HEATR5A: variants seen among roughly 807,000 people sequenced by gnomAD.
HEATR5A encodes the protein HEAT repeat-containing protein 5A.
A neutral mutation model predicts 218.8 loss-of-function variants in HEATR5A; 178 were observed. The ratio of observed to expected loss-of-function variants is 0.81; its 90% CI spans 0.72 to 0.92. The LOEUF is 0.92. HEATR5A is among the 40% of genes least tolerant of loss of function. The pLI is 0.00. For missense variants in HEATR5A, 2,420 were observed against 2,418.9 expected, an observed-to-expected ratio of 1.00 and a Z score of -0.01; for synonymous variants, 864 against 871.6, an observed-to-expected ratio of 0.99 and a Z score of 0.15.
intron 1 of HEATR5A, among the ~76,000 whole-genome samples, chr14:31,408,127 T>C (rs184232578): frequency 0.025 from 3,800 of 152,306 alleles, 180 homozygotes; most frequent in Admixed American, 0.11. Flanking sequence ...TACTCCTAGT[T>C]ACTCAGTCAT....
At chr14:31,302,247 T>C in intron 33 of HEATR5A, 48 bp downstream of exon 33, 1 of 1,356,272 alleles carries the variant, frequency 7.4e-7, no homozygotes, top group Non-Finnish European at 1.0e-6. Context: ...AAACTCTTCT[T>C]CTCACTTTTT....
intron 25 of HEATR5A, among the ~76,000 whole-genome samples, chr14:31,319,944 T>C (rs957293487): frequency 6.6e-6 from 1 of 151,994 alleles, no homozygotes; most frequent in Non-Finnish European, 1.5e-5. Context: ...TACTTCAGGT[T>C]GCAGTGAGCC....
At chr14:31,378,268 G>A (rs1025899821) in intron 11 of HEATR5A, among the ~76,000 whole-genome samples, 18 of 152,184 alleles carry the variant, frequency 1.2e-4, no homozygotes, top group African/African-American at 4.1e-4. Context: ...AAAGGTCACA[G>A]ACAATCCACA....
intron 34 of HEATR5A, among the ~76,000 whole-genome samples, chr14:31,295,244 T>C (rs1250140369): frequency 6.6e-6 from 1 of 152,116 alleles, no homozygotes; most frequent in Non-Finnish European, 1.5e-5. Flanking sequence ...ACTGAAGGTA[T>C]GTGCTGGAGT....
intron 1 of HEATR5A, among the ~76,000 whole-genome samples, chr14:31,409,840 T>C (rs1340665419): frequency 1.3e-5 from 2 of 152,252 alleles, no homozygotes; most frequent in Admixed American, 6.5e-5. Flanking sequence ...CTGGTCCTGA[T>C]AGAAACTGCT....
intron 21 of HEATR5A, among the ~76,000 whole-genome samples, chr14:31,343,094 T>G (rs573851098): frequency 6.6e-6 from 1 of 152,026 alleles, no homozygotes; most frequent in South Asian, 2.1e-4. Flanking sequence ...AAATCTTTTT[T>G]TTTTTTTTTT....
chr14:31,382,046 G>A (rs1465411387), intron 10 of HEATR5A, among the ~76,000 whole-genome samples: 1 of 152,148 alleles, frequency 6.6e-6, no homozygotes, highest in Non-Finnish European at 1.5e-5. Flanking sequence ...TCAATGGATA[G>A]CACTCAAAAA....
chr14:31,361,898 A>G (rs1901627139), intron 14 of HEATR5A, among the ~76,000 whole-genome samples: 1 of 152,148 alleles, frequency 6.6e-6, no homozygotes, highest in African/African-American at 2.4e-5. Flanking sequence ...TGTCCTAGAA[A>G]CTGACTCTTT....
rs1899653789 is a variant in HEATR5A at position 31,309,200 on chromosome 14, A to C, written c.4442-18T>G. 6.2e-7 allele frequency: 1 copy of C among 1,603,374 alleles called. No individual in the cohort carries two copies. Among genetic ancestry groups the C allele is most frequent in the African/African-American group, 1.3e-5 (1 of 74,566 alleles). On this transcript the variant is annotated intron_variant, in intron 28 of 35. Transcript: ENST00000543095. ...AGCACCACCTAAAGCAAACAGTTTCAGGAAAAATAAGAGATTAACTTCCAA... is the reference window on the plus strand; with the variant it reads ...AGCACCACCTAAAGCAAACAGTTTCCGGAAAAATAAGAGATTAACTTCCAA...
Position 31,378,796 on chromosome 14 carries a change from A to C in HEATR5A, c.1708+1671T>G, listed in dbSNP as rs1284455815. The stretch of plus-strand genomic sequence containing the variant: ...AAGTGAGACTCCACCTCAAAAAAAA[A>C]CAAACAAAAAAAAAAAACACTACTT... On this transcript the variant is annotated intron_variant, in intron 11 of 35. Coordinates refer to ENST00000543095, the MANE Select transcript of HEATR5A (RefSeq NM_015473.4). 2.4e-4 allele frequency among the ~76,000 whole-genome samples: 31 copies of C among 126,952 alleles called. 2 individuals are homozygous for C. Among genetic ancestry groups the C allele is most frequent in the Non-Finnish European group, 4.4e-4 (27 of 61,102 alleles). 83.3% of individuals were successfully genotyped at this position (126,952 alleles called of 152,430 possible).
At chr14:31,369,511 C>T (rs1346199197) in intron 13 of HEATR5A, among the ~76,000 whole-genome samples, 5 of 139,162 alleles carry the variant, frequency 3.6e-5, no homozygotes, top group South Asian at 2.2e-4. Flanking sequence ...CTGGGGAGAC[C>T]GAAGCAGGAG....
At chr14:31,351,022 C>G (rs1901207643) in intron 16 of HEATR5A, among the ~76,000 whole-genome samples, 1 of 152,102 alleles carries the variant, frequency 6.6e-6, no homozygotes, top group South Asian at 2.1e-4. Context: ...CTCAAGTGAT[C>G]CGCCCACCTT....
At chr14:31,333,063 T>C (rs1300346204) in intron 22 of HEATR5A, among the ~76,000 whole-genome samples, 1 of 151,892 alleles carries the variant, frequency 6.6e-6, no homozygotes, top group Non-Finnish European at 1.5e-5. Context: ...CTTTAATTCT[T>C]TGAAGGCTGG....
intron 19 of HEATR5A, among the ~76,000 whole-genome samples, chr14:31,347,491 G>A (rs987350596): frequency 5.9e-5 from 9 of 152,168 alleles, no homozygotes; most frequent in Admixed American, 5.2e-4. Context: ...GAGTATGTGC[G>A]TGAGCCACCA....
chr14:31,301,076 T>G (rs879544371), intron 33 of HEATR5A, among the ~76,000 whole-genome samples: 1 of 152,204 alleles, frequency 6.6e-6, no homozygotes, highest in African/African-American at 2.4e-5. Context: ...CAATAAATGC[T>G]GACTGCAGTT....
Position 31,326,167 on chromosome 14 carries a change from T to G in HEATR5A, c.3543A>C (p.Ser1181=). 8 of 1,611,452 alleles carry G rather than the reference T, an allele frequency of 5.0e-6. No homozygotes were observed. Among genetic ancestry groups the G allele is most frequent in the Non-Finnish European group, 6.8e-6 (8 of 1,177,774 alleles). The part of the protein sequence containing the change: ...LKLCKDVLAA[S]ADFTAVTCVD... Reference sequence around the variant, plus strand: ...CTGATAATGTCCAATACTTACCAGCTGATGCAGCAAGTACATCTTTACAAA... The same window carrying G: ...CTGATAATGTCCAATACTTACCAGCGGATGCAGCAAGTACATCTTTACAAA... The change falls in exon 23 of 36, where the codon TCA becomes TCC. Residue 1181 remains serine, a synonymous_variant. Coordinates refer to ENST00000543095, the MANE Select transcript of HEATR5A (RefSeq NM_015473.4).
rs1347893501 is a variant in HEATR5A, at chr14:31,331,909, T to G, written c.3367+5567A>C. 3.3e-5 allele frequency among the ~76,000 whole-genome samples: 5 copies of G among 152,138 alleles called. No homozygotes were observed. In the East Asian group the frequency reaches 9.6e-4, roughly 29 times the overall value. On this transcript the variant is annotated intron_variant, in intron 22 of 35. Coordinates refer to ENST00000543095, the MANE Select transcript of HEATR5A (RefSeq NM_015473.4). ...CTCCCATGATCCAATCACCCCCAAC[T>G]AGGTCCCTCCCTCAACACCTGGGGA...
chr14:31,325,057 A>G (rs532013681), intron 23 of HEATR5A, among the ~76,000 whole-genome samples: 10 of 152,326 alleles, frequency 6.6e-5, no homozygotes, highest in Admixed American at 4.6e-4. Flanking sequence ...GTGGATTTTA[A>G]AAGTTGTGTA....
intron 22 of HEATR5A, among the ~76,000 whole-genome samples, chr14:31,335,615 C>G (rs1255133573): frequency 6.6e-6 from 1 of 152,166 alleles, no homozygotes; most frequent in Non-Finnish European, 1.5e-5. Flanking sequence ...CTATAACTTT[C>G]TAAAAGTATG....
Sources: allele counts gnomAD v4.1 joint callset (sites outside exome capture counted in the v4.1 genomes callset), GRCh38; gene constraint gnomAD v4.1.1; transcripts MANE v1.5; gene names NCBI Gene and HGNC (gene_info 2026-07-23, HGNC 2026-07-21).